The following DCAF4 variants were observed in gnomAD, a reference collection of about 807,000 sequenced individuals.
DCAF4 encodes the protein DDB1- and CUL4-associated factor 4.
Under a neutral mutation model 60.9 loss-of-function variants are expected in DCAF4, and 37 were observed. The ratio of observed to expected loss-of-function variants is 0.61; its 90% CI spans 0.47 to 0.80. DCAF4 has a LOEUF of 0.80. DCAF4 is among the 30% of genes least tolerant of loss of function. The pLI is 0.00. For synonymous variants in DCAF4, 243 were observed against 254.8 expected (o/e 0.95, Z 0.44); for missense variants, 577 against 650.0 (o/e 0.89, Z 1.22).
intron 1 of DCAF4, among the ~76,000 whole-genome samples, chr14:72,928,588 TATATATATA>T (rs763462444): frequency 0.16 from 23,801 of 146,570 alleles, 2,100 homozygotes; most frequent in South Asian, 0.22. Flanking sequence ...ACATCCTTTA[TATATATATA>T]TATATATATA....
intron 6 of DCAF4, among the ~76,000 whole-genome samples, chr14:72,944,831 G>C (rs944831622): frequency 6.6e-6 from 1 of 152,200 alleles, no homozygotes; most frequent in Admixed American, 6.5e-5. Flanking sequence ...GCTCACACCT[G>C]TAATCCCAGC....
chr14:72,953,759 A>G (rs1567325288), intron 9 of DCAF4, among the ~76,000 whole-genome samples: 2 of 57,440 alleles, frequency 3.5e-5, no homozygotes, highest in Non-Finnish European at 7.8e-5. Context: ...ATATATATAT[A>G]TATAGTTTAT....
At chr14:72,929,858 T>A in intron 1 of DCAF4, 1 of 1,480,728 alleles carries the variant, frequency 6.8e-7, no homozygotes, top group Non-Finnish European at 9.3e-7. Flanking sequence ...CGGCTGTGCC[T>A]GGGCTTGCTC....
At chr14:72,934,326 G>C (rs1245738067) in intron 1 of DCAF4, among the ~76,000 whole-genome samples, 2 of 152,020 alleles carry the variant, frequency 1.3e-5, no homozygotes, top group Admixed American at 1.3e-4. Flanking sequence ...GCTAATTTTT[G>C]TATTTTTAGT....
chr14:72,935,357 C>T (rs767977697), intron 1 of DCAF4, among the ~76,000 whole-genome samples: 4 of 151,848 alleles, frequency 2.6e-5, no homozygotes, highest in Admixed American at 1.3e-4. Context: ...TGGGTTCAAA[C>T]GATTCTCCTG....
intron 1 of DCAF4, among the ~76,000 whole-genome samples, chr14:72,930,110 G>A (rs937514591): frequency 1.3e-5 from 2 of 152,250 alleles, no homozygotes; most frequent in Non-Finnish European, 1.5e-5. Context: ...CAGCCAAAAG[G>A]GGGGTAGGAG....
chr14:72,951,559 C>G (rs539093701), intron 8 of DCAF4, among the ~76,000 whole-genome samples: 15 of 152,018 alleles, frequency 9.9e-5, no homozygotes, highest in Non-Finnish European at 1.9e-4. Context: ...TGCGGTAAGC[C>G]GAGATCGCGC....
At chr14:72,954,091 GT>G in intron 9 of DCAF4, 72 bp from the exon 10 acceptor site, 2 of 1,524,580 alleles carry the variant, frequency 1.3e-6, no homozygotes, top group Non-Finnish European at 9.1e-7. Context: ...ATATTTGGAT[GT>G]TTTCCGAACC....
In DCAF4 at chr14:72,953,732, A is replaced by AAATATATATATATATAT. The variant is rs1555527852; in HGVS notation, c.809-431_809-430insATATATATATATATATA. On this transcript the variant is annotated intron_variant, in intron 9 of 13. Coordinates refer to ENST00000358377, the MANE Select transcript of DCAF4 (RefSeq NM_015604.4). ...CTTAAAAAAAAAAAAAAAAAAAAAAAATATATATATATATATATATATATA... is the reference window on the plus strand; with the variant it reads ...CTTAAAAAAAAAAAAAAAAAAAAAAAAATATATATATATATATATATATATATATATATATATATATA... Among the ~76,000 whole-genome samples, 5 of 21,766 alleles carry AAATATATATATATATAT rather than the reference A, an allele frequency of 2.3e-4. 1 individual carries two copies. The highest frequency in any genetic ancestry group is 9.3e-4 in the African/African-American group (4 of 4,300). 14.3% of individuals were successfully genotyped at this position (21,766 alleles called of 152,430 possible).
intron 5 of DCAF4, 188 bp from the exon 6 acceptor site, chr14:72,942,806 G>A (rs1890221826): frequency 1.7e-6 from 1 of 586,030 alleles, no homozygotes; most frequent in East Asian, 2.9e-5. Flanking sequence ...TCATCTTCCT[G>A]AGCGTTCTGT....
intron 8 of DCAF4, among the ~76,000 whole-genome samples, chr14:72,949,928 T>C (rs1411713213): frequency 1.3e-5 from 2 of 152,176 alleles, no homozygotes; most frequent in African/African-American, 2.4e-5. Context: ...GTCCTCAGTG[T>C]AGGAGGAAAG....
rs140803976 is a variant in DCAF4 at position 72,938,031 on chromosome 14, A to G, written c.53A>G (p.Gln18Arg). 3.7e-6 allele frequency: 6 copies of G among 1,611,534 alleles called. No individual in the cohort carries two copies. Among genetic ancestry groups the G allele is most frequent in the East Asian group, 4.5e-5 (2 of 44,824 alleles). The change falls in exon 2 of 14, where the codon CAG becomes CGG. Residue 18 changes from glutamine (Q) to arginine (R), a missense_variant. Coordinates refer to ENST00000358377, the MANE Select transcript of DCAF4 (RefSeq NM_015604.4). ...SRRRHGRRSH[Q>R]QNPWFRLRDS... Reference sequence around the variant, plus strand: ...AGACGACATGGGAGAAGAAGCCACCAGCAGAACCCTTGGTTCAGACTCCGT... The same window carrying G: ...AGACGACATGGGAGAAGAAGCCACCGGCAGAACCCTTGGTTCAGACTCCGT...
chr14:72,942,912 G>GT, intron 5 of DCAF4, 82 bp from the exon 6 acceptor site: 3 of 1,277,486 alleles, frequency 2.3e-6, no homozygotes, highest in East Asian at 2.4e-5. Flanking sequence ...GGCGTCAGCG[G>GT]GGCAGGGAAG....
chr14:72,954,568 C>A (rs2140305275), intron 11 of DCAF4, 85 bp downstream of exon 11: 2 of 1,238,548 alleles, frequency 1.6e-6, no homozygotes, highest in East Asian at 4.8e-5. Flanking sequence ...CTCTGTGTGC[C>A]ATCTAGTACT....
chr14:72,952,691 CT>C (rs1215172512), intron 9 of DCAF4, among the ~76,000 whole-genome samples: 18,246 of 104,894 alleles, frequency 0.17, 1,184 homozygotes, highest in East Asian at 0.37. Context: ...CTTGTCTTGT[CT>C]TTTTTTTTTT....
At chr14:72,936,229 A>T (rs1889246988) in intron 1 of DCAF4, among the ~76,000 whole-genome samples, 1 of 152,230 alleles carries the variant, frequency 6.6e-6, no homozygotes, top group South Asian at 2.1e-4. Flanking sequence ...GGAAACCCAC[A>T]CATGGTGTTC....
chr14:72,945,771 C>A, intron 6 of DCAF4, 113 bp from the exon 7 acceptor site: 1 of 1,393,466 alleles, frequency 7.2e-7, no homozygotes, highest in East Asian at 2.3e-5. Context: ...GAGGAACTCT[C>A]ACCTAGTGAA....
intron 1 of DCAF4, among the ~76,000 whole-genome samples, chr14:72,931,969 C>T (rs1888630455): frequency 2.0e-5 from 3 of 149,868 alleles, no homozygotes; most frequent in East Asian, 3.9e-4. Context: ...ATAACCCATA[C>T]TGACCTATAT....
At chr14:72,928,161 G>A (rs1032322224) in intron 1 of DCAF4, among the ~76,000 whole-genome samples, 1 of 130,154 alleles carries the variant, frequency 7.7e-6, no homozygotes, top group Non-Finnish European at 1.6e-5. Context: ...GCACATTACA[G>A]CCCGCTAGTC....
Sources: allele counts gnomAD v4.1 joint callset (sites outside exome capture counted in the v4.1 genomes callset), GRCh38; gene constraint gnomAD v4.1.1; transcripts MANE v1.5; gene names NCBI Gene and HGNC (gene_info 2026-07-23, HGNC 2026-07-21).